The following SLAMF6 variants were observed in gnomAD, a reference collection of about 807,000 sequenced individuals.
SLAMF6 encodes SLAM family member 6, also known as NK-T-B-antigen.
In SLAMF6, 21 loss-of-function variants were observed where a neutral mutation model predicts 38.3. That is an observed-to-expected ratio of 0.55 (90% CI 0.39 to 0.79). The LOEUF is 0.79. Ranked by LOEUF, SLAMF6 falls within the 30% of genes least tolerant of loss-of-function variation. SLAMF6 has a pLI of 0.00. For missense variants in SLAMF6, 341 were observed against 385.3 expected (o/e 0.89, Z 0.96); for synonymous variants, 152 against 146.3 (o/e 1.04, Z -0.28).
chr1:160,511,556 T>C (rs1379111123), intron 1 of SLAMF6, among the ~76,000 whole-genome samples: 2 of 152,246 alleles, frequency 1.3e-5, no homozygotes, highest in African/African-American at 2.4e-5. Context: ...CCTCTCATTA[T>C]ATGCAAAAAT....
intron 5 of SLAMF6, 131 bp downstream of exon 5, chr1:160,490,064 ACAG>A: frequency 9.8e-7 from 1 of 1,015,930 alleles, no homozygotes; most frequent in Non-Finnish European, 1.5e-6. Flanking sequence ...ATCTCCCCTC[ACAG>A]CATGTGGTCT....
At chr1:160,513,104 C>T (rs1654575106) in intron 1 of SLAMF6, among the ~76,000 whole-genome samples, 1 of 152,068 alleles carries the variant, frequency 6.6e-6, no homozygotes, top group Admixed American at 6.6e-5. Context: ...TGCAAAGAAC[C>T]TAAGAATCAG....
At chr1:160,487,380 A>G (rs1281646571) in intron 6 of SLAMF6, among the ~76,000 whole-genome samples, 1 of 152,210 alleles carries the variant, frequency 6.6e-6, no homozygotes, top group East Asian at 1.9e-4. Flanking sequence ...CCCCAAACAG[A>G]ACAGCAACAC....
Position 160,487,290 on chromosome 1 carries a change from A to T in SLAMF6, c.880-115T>A. The T allele has an allele frequency of 6.4e-6, 6 of 935,916 alleles. No homozygotes were observed. The South Asian group carries it at 9.7e-5, about 15-fold the overall frequency. 58.0% of individuals were successfully genotyped at this position (935,916 alleles called of 1,614,324 possible). On this transcript the variant is annotated intron_variant, in intron 6 of 7. Transcript: ENST00000368057. ...AGAGAATATGTCAAAGTTCTTCCAG[A>T]GGAAGGCTGGGGAATGTTCAGTGGA...
intron 1 of SLAMF6, among the ~76,000 whole-genome samples, chr1:160,512,044 G>C (rs1305846317): frequency 6.6e-6 from 1 of 152,182 alleles, no homozygotes; most frequent in African/African-American, 2.4e-5. Context: ...CAAGGGCCTT[G>C]GATCCCAAGC....
At chr1:160,496,012 A>G (rs752919444) in intron 2 of SLAMF6, 49 bp downstream of exon 2, 8 of 1,511,478 alleles carry the variant, frequency 5.3e-6, no homozygotes, top group Non-Finnish European at 7.3e-6. Context: ...ATTGGAATAC[A>G]TGTATATTTT....
intron 2 of SLAMF6, among the ~76,000 whole-genome samples, chr1:160,494,005 G>A (rs143302681): frequency 1.4e-4 from 22 of 152,182 alleles, no homozygotes; most frequent in African/African-American, 3.9e-4. Flanking sequence ...ATTACAATTC[G>A]AGATGAGATT....
chr1:160,495,832 A>C (rs947934607), intron 2 of SLAMF6, among the ~76,000 whole-genome samples: 11 of 152,184 alleles, frequency 7.2e-5, no homozygotes, highest in Admixed American at 2.0e-4. Context: ...GTTGAAGAAG[A>C]CCATTTTATC....
intron 6 of SLAMF6, among the ~76,000 whole-genome samples, chr1:160,488,625 C>G (rs942804934): frequency 4.6e-5 from 7 of 152,050 alleles, no homozygotes; most frequent in African/African-American, 1.7e-4. Flanking sequence ...TGCCCCCTTC[C>G]CCTCTTGAGA....
chr1:160,492,073 C>T (rs1653333509), intron 2 of SLAMF6, among the ~76,000 whole-genome samples: 1 of 152,122 alleles, frequency 6.6e-6, no homozygotes, highest in Non-Finnish European at 1.5e-5. Context: ...TGCGGCGTAT[C>T]TAGGCATGTG....
chr1:160,502,325 G>C (rs1320042091), intron 1 of SLAMF6, among the ~76,000 whole-genome samples: 1 of 152,172 alleles, frequency 6.6e-6, no homozygotes, highest in African/African-American at 2.4e-5. Context: ...GCTTTCCTTT[G>C]AGACTCTCAT....
At chr1:160,522,737 A>C (rs1655041776) in intron 1 of SLAMF6, among the ~76,000 whole-genome samples, 2 of 152,128 alleles carry the variant, frequency 1.3e-5, no homozygotes, top group South Asian at 4.2e-4. Flanking sequence ...TTAGATGAGG[A>C]TAGTGAGGTT....
chr1:160,511,358 A>C (rs182763735), intron 1 of SLAMF6, among the ~76,000 whole-genome samples: 1 of 152,358 alleles, frequency 6.6e-6, no homozygotes, highest in Non-Finnish European at 1.5e-5. Context: ...TGGTACTGGC[A>C]TAAAGATAAA....
At chr1:160,487,856 G>A (rs1456590778) in intron 6 of SLAMF6, among the ~76,000 whole-genome samples, 4 of 152,150 alleles carry the variant, frequency 2.6e-5, no homozygotes, top group African/African-American at 4.8e-5. Context: ...TTGGGAGGAC[G>A]AGGCAGGCGG....
chr1:160,491,510 A>G (rs1348398630), intron 2 of SLAMF6, 122 bp from the exon 3 acceptor site: 19 of 1,399,086 alleles, frequency 1.4e-5, no homozygotes, highest in Non-Finnish European at 1.8e-5. Flanking sequence ...TGGTCTGTAG[A>G]CTCTGTAAAT....
intron 2 of SLAMF6, among the ~76,000 whole-genome samples, chr1:160,495,661 T>C (rs1020251342): frequency 1.3e-5 from 2 of 152,212 alleles, no homozygotes; most frequent in Non-Finnish European, 2.9e-5. Flanking sequence ...ACTATCTCTG[T>C]GACTTGTAGG....
intron 1 of SLAMF6, among the ~76,000 whole-genome samples, chr1:160,500,881 G>A (rs1653851219): frequency 6.6e-6 from 1 of 152,122 alleles, no homozygotes; most frequent in African/African-American, 2.4e-5. Flanking sequence ...ACCAGGAGCT[G>A]TTCTTCCCTT....
intron 5 of SLAMF6, 166 bp downstream of exon 5, chr1:160,490,032 G>A (rs1292230507): frequency 2.5e-6 from 2 of 809,198 alleles, no homozygotes; most frequent in African/African-American, 3.4e-5. Flanking sequence ...TGTGAACCAT[G>A]TAGGACCCAT....
intron 1 of SLAMF6, among the ~76,000 whole-genome samples, chr1:160,498,727 C>CT (rs1168772098): frequency 4.0e-5 from 6 of 151,622 alleles, no homozygotes; most frequent in Non-Finnish European, 7.4e-5. Context: ...CTATTGTGTT[C>CT]TTTTTTTTGA....
Sources: allele counts gnomAD v4.1 joint callset (sites outside exome capture counted in the v4.1 genomes callset), GRCh38; gene constraint gnomAD v4.1.1; transcripts MANE v1.5; gene names NCBI Gene and HGNC (gene_info 2026-07-23, HGNC 2026-07-21).